Variants in POC1B observed in about 807,000 individuals in gnomAD.
The protein encoded by POC1B is POC1 centriolar protein B.
A neutral mutation model predicts 60.6 loss-of-function variants in POC1B; 44 were observed. The ratio of observed to expected loss-of-function variants is 0.73; its 90% confidence interval spans 0.57 to 0.93. POC1B has a LOEUF of 0.93. POC1B is among the 40% of genes least tolerant of loss of function. POC1B has a pLI of 0.00. For missense variants in POC1B, 555 were observed against 572.3 expected (o/e 0.97, Z 0.31); for synonymous variants, 180 against 198.9 (o/e 0.90, Z 0.80).
intron 10 of POC1B, among the ~76,000 whole-genome samples, chr12:89,447,400 C>T (rs1451423629): frequency 6.6e-6 from 1 of 152,018 alleles, no homozygotes; most frequent in African/African-American, 2.4e-5. Flanking sequence ...TAAAAGTGTA[C>T]ATATCTTGAA....
chr12:89,525,224 A>C lies in POC1B; in HGVS notation c.16-20T>G. The stretch of plus-strand genomic sequence containing the variant: ...GTCCTCCTGGAAAGGAAAGTTGTCA[A>C]GTTTTGAAAGCCGCCGCAGACCTCG... On this transcript the variant is annotated intron_variant, in intron 1 of 11. Transcript: ENST00000313546. The C allele has an allele frequency of 6.3e-7, 1 of 1,596,972 alleles. No homozygotes were observed. The highest frequency in any genetic ancestry group is 8.5e-7 in the Non-Finnish European group (1 of 1,171,560).
intron 10 of POC1B, chr12:89,429,278 C>G (rs969559979): frequency 6.6e-6 from 1 of 152,206 alleles, no homozygotes; most frequent in Admixed American, 6.5e-5. Flanking sequence ...CATTAGCCAA[C>G]TGACATCTCT....
chr12:89,447,362 C>A (rs2120751655), intron 10 of POC1B, among the ~76,000 whole-genome samples: 1 of 152,064 alleles, frequency 6.6e-6, no homozygotes, highest in African/African-American at 2.4e-5. Flanking sequence ...TAAGTGATTT[C>A]TAGAAAAGGA....
rs749361904 is a variant in POC1B, at chr12:89,497,303, A to G, written c.140T>C (p.Phe47Ser). Residue 47 changes from phenylalanine (F) to serine (S), a missense_variant, in exon 3 of 12, where the codon TTC becomes TCC. Phe to Ser is a radical substitution (Grantham distance 155). Transcript: ENST00000313546. The stretch of plus-strand genomic sequence containing the variant: ...TCTGTAAGCTCTAGCATGTGGCTTG[A>G]AATTCCATAGCATGAGAAAGGTATC... Reference protein sequence around the residue: ...SWDTFLMLWNFKPHARAYRYV... With the variant: ...SWDTFLMLWNSKPHARAYRYV... 7.4e-6 allele frequency: 12 copies of G among 1,612,826 alleles called. No individual in the cohort carries two copies. The highest frequency in any genetic ancestry group is 9.3e-6 in the Non-Finnish European group (11 of 1,179,988).
chr12:89,504,881 G>A (rs1184985845), intron 2 of POC1B, among the ~76,000 whole-genome samples: 4 of 152,076 alleles, frequency 2.6e-5, no homozygotes, highest in African/African-American at 9.7e-5. Flanking sequence ...AAGGTGAGAG[G>A]ACCACTTGAG....
chr12:89,510,431 G>C (rs1049043811), intron 2 of POC1B, among the ~76,000 whole-genome samples: 9 of 152,178 alleles, frequency 5.9e-5, no homozygotes, highest in Non-Finnish European at 1.0e-4. Flanking sequence ...TCTCAGTCTA[G>C]CAGTGAGAGA....
intron 10 of POC1B, among the ~76,000 whole-genome samples, chr12:89,451,733 G>A (rs1461889391): frequency 6.6e-6 from 1 of 152,166 alleles, no homozygotes; most frequent in Non-Finnish European, 1.5e-5. Context: ...ATATGTGTTA[G>A]CAGACTTGCT....
chr12:89,421,796 C>T lies in POC1B; in HGVS notation c.1333-539G>A, dbSNP rs146883384. 1.1e-3 allele frequency among the ~76,000 whole-genome samples: 160 copies of T among 152,232 alleles called. 1 individual carries two copies. The highest frequency in any genetic ancestry group is 2.2e-3 in the Non-Finnish European group (148 of 68,012). ...CACACAGAAGATGCTAATATTACCTCGTGGAGTTGTTAGGAGGATTGAATA... is the reference window on the plus strand; with the variant it reads ...CACACAGAAGATGCTAATATTACCTTGTGGAGTTGTTAGGAGGATTGAATA... On this transcript the variant is annotated intron_variant, in intron 11 of 11. Coordinates refer to ENST00000313546, the MANE Select transcript of POC1B (RefSeq NM_172240.3).
chr12:89,423,604 CTTAG>C (rs1391937339), intron 11 of POC1B, among the ~76,000 whole-genome samples: 1 of 152,200 alleles, frequency 6.6e-6, no homozygotes, highest in African/African-American at 2.4e-5. Context: ...CACCGTCCAA[CTTAG>C]TTAGGTGATG....
intron 10 of POC1B, among the ~76,000 whole-genome samples, chr12:89,445,596 A>T (rs1421758206): frequency 1.3e-5 from 2 of 152,234 alleles, no homozygotes; most frequent in Non-Finnish European, 2.9e-5. Context: ...CACCTTATAC[A>T]AAAATTAATT....
intron 10 of POC1B, chr12:89,427,734 A>G (rs1880832400): frequency 6.6e-6 from 1 of 152,146 alleles, no homozygotes; most frequent in Non-Finnish European, 1.5e-5. Flanking sequence ...ACAAAACCAC[A>G]TCCTCAAAAC....
intron 4 of POC1B, among the ~76,000 whole-genome samples, chr12:89,490,840 T>G (rs1868927422): frequency 6.6e-6 from 1 of 152,200 alleles, no homozygotes; most frequent in Non-Finnish European, 1.5e-5. Context: ...TGACAGCTCG[T>G]ACTGCCAGTT....
At chr12:89,402,502 T>G in the POC1B span, among the ~76,000 whole-genome samples, 1 of 152,258 alleles carries the variant, frequency 6.6e-6, no homozygotes, top group East Asian at 1.9e-4. Context: ...AGTTATCTTT[T>G]CTGCTCCTCT....
intron 10 of POC1B, among the ~76,000 whole-genome samples, chr12:89,441,068 G>T (rs531132112): frequency 1.6e-4 from 25 of 152,340 alleles, no homozygotes; most frequent in Middle Eastern, 3.4e-3. Flanking sequence ...GGCTGGGGGA[G>T]GGGCGTCTGC....
At chr12:89,516,972 T>G (rs1029404514) in intron 2 of POC1B, among the ~76,000 whole-genome samples, 1 of 152,096 alleles carries the variant, frequency 6.6e-6, no homozygotes, top group Non-Finnish European at 1.5e-5. Flanking sequence ...CTTTGTAGAC[T>G]TACATCTACA....
chr12:89,503,339 G>T (rs1232412433), intron 2 of POC1B, among the ~76,000 whole-genome samples: 1 of 152,264 alleles, frequency 6.6e-6, no homozygotes, highest in South Asian at 2.1e-4. Context: ...CTGGTCTCCA[G>T]CTCCTAACCG....
intron 2 of POC1B, among the ~76,000 whole-genome samples, chr12:89,515,722 C>T (rs1870409888): frequency 6.6e-6 from 1 of 152,148 alleles, no homozygotes; most frequent in African/African-American, 2.4e-5. Context: ...GATTGCAACC[C>T]ACAGGACAAC....
chr12:89,502,352 T>C, intron 2 of POC1B: 1 of 1,611,662 alleles, frequency 6.2e-7, no homozygotes, highest in South Asian at 1.1e-5. Flanking sequence ...TTGAAACCTT[T>C]GGAGTACTGG....
chr12:89,434,803 C>T (rs1042476050), intron 10 of POC1B, among the ~76,000 whole-genome samples: 12 of 152,142 alleles, frequency 7.9e-5, no homozygotes, highest in Admixed American at 2.6e-4. Context: ...ACACAACATG[C>T]TAAGTGAATA....
Sources: allele counts gnomAD v4.1 joint callset (sites outside exome capture counted in the v4.1 genomes callset), GRCh38; gene constraint gnomAD v4.1.1; transcripts MANE v1.5; gene names NCBI Gene and HGNC (gene_info 2026-07-23, HGNC 2026-07-21).